Variants in GRID2 observed in about 807,000 individuals in gnomAD.
GRID2 encodes the protein glutamate ionotropic receptor delta type subunit 2, also known as glutamate receptor ionotropic, delta-2.
GRID2 carries 33 observed loss-of-function variants against 114.8 expected under a neutral mutation model. The observed-to-expected ratio is 0.29, with a 90% CI of 0.22 to 0.38. The LOEUF is 0.38. GRID2 is among the 10% of genes least tolerant of loss of function. The probability of loss-of-function intolerance (pLI) is 1.00; values close to 1 mark genes in which losing one functional copy is unlikely to be tolerated. For synonymous variants in GRID2, 505 were observed against 449.9 expected, an observed-to-expected ratio of 1.12 and a Z score of -1.55; for missense variants, 1,184 against 1,257.7, an observed-to-expected ratio of 0.94 and a Z score of 0.89.
chr4:92,672,178 A>C (rs989994930), intron 2 of GRID2, among the ~76,000 whole-genome samples: 5 of 152,134 alleles, frequency 3.3e-5, no homozygotes, highest in African/African-American at 1.2e-4. Flanking sequence ...TCCATCACCC[A>C]CCTTCAAAAA....
At chr4:93,426,871 T>G (rs1768899496) in intron 10 of GRID2, among the ~76,000 whole-genome samples, 1 of 152,054 alleles carries the variant, frequency 6.6e-6, no homozygotes, top group South Asian at 2.1e-4. Context: ...GGAACTAGGT[T>G]TTTATTTTGT....
chr4:93,233,908 T>C (rs897222737), intron 7 of GRID2, among the ~76,000 whole-genome samples: 2 of 152,136 alleles, frequency 1.3e-5, no homozygotes, highest in African/African-American at 4.8e-5. Context: ...AAAATAATGA[T>C]TCCTAGGTTA....
At chr4:92,805,017 T>C (rs910731457) in intron 2 of GRID2, among the ~76,000 whole-genome samples, 3 of 152,002 alleles carry the variant, frequency 2.0e-5, no homozygotes, top group Admixed American at 6.6e-5. Flanking sequence ...ATTTTTATTA[T>C]GGGCCAAAGC....
chr4:92,503,492 G>T (rs1723793316), intron 1 of GRID2, among the ~76,000 whole-genome samples: 1 of 152,078 alleles, frequency 6.6e-6, no homozygotes, highest in Non-Finnish European at 1.5e-5. Context: ...TTCCTAAAAA[G>T]ATGTCCCAAT....
intron 1 of GRID2, among the ~76,000 whole-genome samples, chr4:92,456,558 A>G (rs546305927): frequency 2.6e-5 from 4 of 152,204 alleles, no homozygotes; most frequent in Admixed American, 6.5e-5. Context: ...TCAGGGGAAA[A>G]GGTCTCAATA....
At chr4:93,618,123 C>T (rs981985652) in intron 13 of GRID2, among the ~76,000 whole-genome samples, 1 of 152,178 alleles carries the variant, frequency 6.6e-6, no homozygotes, top group African/African-American at 2.4e-5. Context: ...TCCTATTAAG[C>T]TTACATTTAT....
intron 2 of GRID2, among the ~76,000 whole-genome samples, chr4:92,686,937 C>G (rs1733935559): frequency 1.3e-5 from 2 of 152,020 alleles, no homozygotes; most frequent in African/African-American, 4.8e-5. Flanking sequence ...ACCTGTTAAG[C>G]TAGGTTTTAA....
chr4:92,853,416 T>G (rs1743964935), intron 2 of GRID2, among the ~76,000 whole-genome samples: 1 of 152,054 alleles, frequency 6.6e-6, no homozygotes, highest in Non-Finnish European at 1.5e-5. Context: ...TCTTTTACAC[T>G]GACTTTCTCC....
chr4:92,884,772 C>A, intron 2 of GRID2: 1 of 304,370 alleles, frequency 3.3e-6, no homozygotes, highest in South Asian at 3.3e-5. Context: ...AGTGGAAGCT[C>A]TTCTCAATTA....
chr4:92,662,276 G>A (rs924710562), intron 2 of GRID2, among the ~76,000 whole-genome samples: 2 of 150,888 alleles, frequency 1.3e-5, no homozygotes, highest in African/African-American at 4.8e-5. Flanking sequence ...CTATTAACGG[G>A]CCTCTAAGTA....
chr4:92,404,201 C>A (rs754412179), intron 1 of GRID2, among the ~76,000 whole-genome samples: 2 of 151,792 alleles, frequency 1.3e-5, no homozygotes, highest in Non-Finnish European at 2.9e-5. Context: ...TCTAGGTATG[C>A]CTATATTCAT....
chr4:92,752,899 T>C (rs1737522134), intron 2 of GRID2, among the ~76,000 whole-genome samples: 1 of 152,182 alleles, frequency 6.6e-6, no homozygotes, highest in Non-Finnish European at 1.5e-5. Context: ...ATTTACGACT[T>C]TCAAAGGCAA....
At chr4:92,951,703 G>T (rs1487713038) in intron 2 of GRID2, among the ~76,000 whole-genome samples, 1 of 152,054 alleles carries the variant, frequency 6.6e-6, no homozygotes, top group Non-Finnish European at 1.5e-5. Flanking sequence ...CAAGCCATTA[G>T]TTTTGCACCA....
At chr4:93,142,712 CA>C in intron 4 of GRID2, among the ~76,000 whole-genome samples, 1 of 152,282 alleles carries the variant, frequency 6.6e-6, no homozygotes, top group East Asian at 1.9e-4. Context: ...TCATGCTATT[CA>C]ACCACGTCAG....
intron 12 of GRID2, among the ~76,000 whole-genome samples, chr4:93,497,240 T>C (rs1727637482): frequency 6.6e-6 from 1 of 151,724 alleles, no homozygotes; most frequent in Non-Finnish European, 1.5e-5. Context: ...CTATTAAGAG[T>C]TCTTCACATA....
chr4:92,945,319 A>T (rs1052947630), intron 2 of GRID2, among the ~76,000 whole-genome samples: 3 of 152,174 alleles, frequency 2.0e-5, no homozygotes, highest in African/African-American at 7.2e-5. Context: ...CTATTATTTT[A>T]TGGAATCCAA....
chr4:92,938,691 T>C (rs1026515831), intron 2 of GRID2, among the ~76,000 whole-genome samples: 3 of 146,170 alleles, frequency 2.1e-5, no homozygotes, highest in Non-Finnish European at 3.0e-5. Flanking sequence ...CTTAGGTATA[T>C]CTCTTAATGC....
intron 9 of GRID2, among the ~76,000 whole-genome samples, chr4:93,412,333 G>A (rs1767278810): frequency 1.3e-5 from 2 of 150,278 alleles, no homozygotes; most frequent in Admixed American, 6.7e-5. Context: ...GGTTGAGGAT[G>A]TAATGAGCCG....
chr4:93,754,968 C>T (rs904591140), intron 14 of GRID2, among the ~76,000 whole-genome samples: 8 of 152,118 alleles, frequency 5.3e-5, no homozygotes, highest in African/African-American at 1.9e-4. Context: ...TTTTATCAAG[C>T]CTCTTCTCTG....
Sources: allele counts gnomAD v4.1 joint callset (sites outside exome capture counted in the v4.1 genomes callset), GRCh38; gene constraint gnomAD v4.1.1; transcripts MANE v1.5; gene names NCBI Gene and HGNC (gene_info 2026-07-23, HGNC 2026-07-21).